The following ZBTB21 variants were observed in gnomAD, a reference collection of about 807,000 sequenced individuals.
ZBTB21 encodes zinc finger and BTB domain-containing protein 21.
ZBTB21 carries 10 observed loss-of-function variants against 39.8 expected under a neutral mutation model. That is an observed-to-expected ratio of 0.25 (90% CI 0.16 to 0.43). ZBTB21 has a LOEUF of 0.43. ZBTB21 is among the 20% of genes least tolerant of loss of function. The pLI is 1.00. For synonymous variants in ZBTB21, 551 were observed against 498.8 expected, an observed-to-expected ratio of 1.10 and a Z score of -1.40; for missense variants, 1,221 against 1,296.3, an observed-to-expected ratio of 0.94 and a Z score of 0.89.
At position 41,990,956 on chromosome 21, in the gene ZBTB21, A is replaced by C. The variant is rs1569100351; in HGVS notation, c.3140T>G (p.Leu1047Arg). The C allele has an allele frequency of 6.6e-7, 1 of 1,515,852 alleles. No individual in the cohort carries two copies. The highest frequency in any genetic ancestry group is 8.8e-7 in the Non-Finnish European group (1 of 1,133,620). The allele number at this position is 1,515,852 out of a possible 1,614,324, so 93.9% of individuals were successfully genotyped here. A position where few individuals can be genotyped will look rare whatever the true frequency, so the allele number is the denominator to read the frequency against. The change falls in exon 3 of 3, where the codon CTT (leucine) becomes CGT (arginine). Residue 1047 changes from leucine to arginine, a missense_variant. Coordinates refer to ENST00000310826, the MANE Select transcript of ZBTB21 (RefSeq NM_001098402.2). Reference sequence around the variant, plus strand: ...TGCAGTCTTGAATGTCCTGTGGCAAAGTTTACACATAAACTGTCTTTTAAA... The same window carrying C: ...TGCAGTCTTGAATGTCCTGTGGCAACGTTTACACATAAACTGTCTTTTAAA... Reference protein sequence around the residue: ...ITFKRQFMCKLCHRTFKTAFS... With the variant: ...ITFKRQFMCKRCHRTFKTAFS...
rs969837730 is a variant in ZBTB21 at position 42,010,284 on chromosome 21, C to T, written c.-111G>A. 7.5e-6 allele frequency: 3 copies of T among 398,486 alleles called. No homozygotes were observed. The highest frequency in any genetic ancestry group is 2.1e-5 in the African/African-American group (1 of 48,642). The allele number at this position is 398,486 out of a possible 1,614,324, so 24.7% of individuals were successfully genotyped here. ...CAGTCTCGAGGCAGACGCCGGGCCC[C>T]TTTCCGCTCACACTCGGCTCGCGCG... On this transcript the variant is annotated 5_prime_UTR_variant, in exon 1 of 3. Transcript: ENST00000310826.
At chr21:41,996,040 G>C (rs2065741947) in intron 2 of ZBTB21, among the ~76,000 whole-genome samples, 1 of 152,232 alleles carries the variant, frequency 6.6e-6, no homozygotes, top group Admixed American at 6.5e-5. Flanking sequence ...CTGCTGCAGG[G>C]CTGTGTCCCC....
At chr21:42,001,150 T>G (rs758371541) in intron 2 of ZBTB21, among the ~76,000 whole-genome samples, 3 of 152,168 alleles carry the variant, frequency 2.0e-5, no homozygotes, top group African/African-American at 7.2e-5. Flanking sequence ...TAGAGATAAG[T>G]AGCAGAGCAG....
intron 1 of ZBTB21, among the ~76,000 whole-genome samples, chr21:42,006,508 A>C (rs1224731546): frequency 1.3e-5 from 2 of 152,006 alleles, no homozygotes; most frequent in African/African-American, 4.8e-5. Context: ...CTCTGTCTCT[A>C]AGACCTAACC....
intron 1 of ZBTB21, chr21:42,008,137 T>G (rs1332852472): frequency 6.6e-6 from 1 of 152,190 alleles, no homozygotes; most frequent in Non-Finnish European, 1.5e-5. Context: ...CCTATCACTG[T>G]GACCTGGTCA....
At chr21:41,998,939 T>C (rs142543456) in intron 2 of ZBTB21, among the ~76,000 whole-genome samples, 2 of 152,220 alleles carry the variant, frequency 1.3e-5, no homozygotes, top group Non-Finnish European at 2.9e-5. Flanking sequence ...TCTATTTTTT[T>C]AAAAAATTAT....
chr21:42,009,046 G>A (rs1474574522), intron 1 of ZBTB21: 2 of 152,128 alleles, frequency 1.3e-5, no homozygotes, highest in Non-Finnish European at 2.9e-5. Context: ...GAGGACTCAG[G>A]GTCATCGTGT....
In ZBTB21 at chr21:41,991,910, G is replaced by A. The variant is rs779678782; in HGVS notation, c.2186C>T (p.Ala729Val). The change falls in exon 3 of 3, where the codon GCT becomes GTT. Residue 729 changes from alanine (A) to valine (V), a missense_variant. Physicochemically the swap from Ala to Val is moderately conservative, Grantham distance 64. Coordinates refer to ENST00000310826, the MANE Select transcript of ZBTB21 (RefSeq NM_001098402.2). The surrounding 1 kb of genome is among the most constrained non-coding windows in gnomAD (Gnocchi z 4.9). ...KEVYQCRLCN[A>V]KLSSLLEQGS... ...TTGCTCTAGGAGAGAAGAGAGCTTA[G>A]CATTACAGAGGCGGCACTGGTAAAC... is the stretch of plus-strand genomic sequence containing the variant. 30 of 1,614,160 alleles carry A rather than the reference G, an allele frequency of 1.9e-5. No individual in the cohort carries two copies. Among genetic ancestry groups the A allele is most frequent in the Non-Finnish European group, 2.4e-5 (28 of 1,180,038 alleles).
In ZBTB21 at chr21:41,994,228, A is replaced by G. The variant is rs151229781; in HGVS notation, c.-13-120T>C. ...ACCAATATTTAGCAGACCGTAGGCTAACAGAAGCTCTATGAATGAACAATC... is the reference window on the plus strand; with the variant it reads ...ACCAATATTTAGCAGACCGTAGGCTGACAGAAGCTCTATGAATGAACAATC... On this transcript the variant is annotated intron_variant, in intron 2 of 2. Coordinates refer to ENST00000310826, the MANE Select transcript of ZBTB21 (RefSeq NM_001098402.2). 7.4e-4 allele frequency: 575 copies of G among 772,586 alleles called. 6 individuals carry two copies. In the African/African-American group the frequency reaches 8.7e-3, roughly 12 times the overall value. The allele number at this position is 772,586 out of a possible 1,614,324, so 47.9% of individuals were successfully genotyped here. A position where few individuals can be genotyped will look rare whatever the true frequency, so the allele number is the denominator to read the frequency against.
At chr21:41,997,374 G>A (rs975590619) in intron 2 of ZBTB21, among the ~76,000 whole-genome samples, 2 of 152,078 alleles carry the variant, frequency 1.3e-5, no homozygotes, top group South Asian at 2.1e-4. Flanking sequence ...TCAGGAGTTC[G>A]AGACAAGCCT....
chr21:41,988,706 CCA>C lies in ZBTB21; in HGVS notation c.*2187_*2188del, dbSNP rs1327989438. On this transcript the variant is annotated 3_prime_UTR_variant, in exon 3 of 3. Transcript: ENST00000310826. ...TAGACAAAAATGTGAAGACAAAACA[CCA>C]GTCATTTTTAAAATCTAACAGATAT... 15 of 151,964 alleles carry C rather than the reference CCA, an allele frequency of 9.9e-5. No homozygotes were observed. The highest frequency in any genetic ancestry group is 9.2e-4 in the Admixed American group (14 of 15,254). 9.4% of individuals were successfully genotyped at this position (151,964 alleles called of 1,614,324 possible).
intron 1 of ZBTB21, among the ~76,000 whole-genome samples, chr21:42,004,145 G>A (rs2065850409): frequency 1.3e-5 from 2 of 151,856 alleles, no homozygotes; most frequent in South Asian, 2.1e-4. Context: ...GACTACAGGC[G>A]CCAGCCACCA....
At chr21:41,996,792 A>G (rs1009519246) in intron 2 of ZBTB21, among the ~76,000 whole-genome samples, 5 of 152,216 alleles carry the variant, frequency 3.3e-5, no homozygotes, top group Non-Finnish European at 5.9e-5. Flanking sequence ...GGAGGCACCC[A>G]GTGGGAAGTA....
chr21:41,993,238 T>C lies in ZBTB21; in HGVS notation c.858A>G (p.Ser286=), dbSNP rs549685741. Residue 286 remains serine, a synonymous_variant, in exon 3 of 3, where the codon TCA becomes TCG. Coordinates refer to ENST00000310826, the MANE Select transcript of ZBTB21 (RefSeq NM_001098402.2). ...TTTCTTTTAATAGATAGGGAGTCTC[T>C]GATGAGCTACAAACAGACAAAACAG... The part of the protein sequence containing the change: ...RPPVLSVCSS[S]ETPYLLKETN... 7.8e-5 allele frequency: 125 copies of C among 1,611,730 alleles called. 2 individuals carry two copies. In the South Asian group the frequency reaches 1.3e-3, roughly 17 times the overall value.
rs1328183215 is a variant in ZBTB21 at position 41,989,382 on chromosome 21, A to G, written c.*1513T>C. 2.0e-5 allele frequency: 3 copies of G among 152,160 alleles called. No homozygotes were observed. Among genetic ancestry groups the G allele is most frequent in the Non-Finnish European group, 4.4e-5 (3 of 67,978 alleles). The allele number at this position is 152,160 out of a possible 1,614,324, so 9.4% of individuals were successfully genotyped here. On this transcript the variant is annotated 3_prime_UTR_variant, in exon 3 of 3. Transcript: ENST00000310826. Reference sequence around the variant, plus strand: ...TCTGCTAGAGCACAAATCTAAAATTATTTCTTAATGACAGTAGTTGGCTTT... The same window carrying G: ...TCTGCTAGAGCACAAATCTAAAATTGTTTCTTAATGACAGTAGTTGGCTTT...
chr21:42,000,280 A>C (rs2065802096), intron 2 of ZBTB21, among the ~76,000 whole-genome samples: 1 of 152,190 alleles, frequency 6.6e-6, no homozygotes, highest in Admixed American at 6.5e-5. Flanking sequence ...CCTGTTCATC[A>C]ATGTACCCTT....
At position 41,992,755 on chromosome 21, in the gene ZBTB21, A is replaced by G. The variant is rs751910702; in HGVS notation, c.1341T>C (p.Thr447=). ...CTGCTGTTGTTGCCGCATCTCCCACAGTGACGCGGATGATGTCCGAGGGGT... is the reference window on the plus strand; with the variant it reads ...CTGCTGTTGTTGCCGCATCTCCCACGGTGACGCGGATGATGTCCGAGGGGT... The part of the protein sequence containing the change: ...LSDPSDIIRV[T]VGDAATTAAA... Residue 447 remains threonine, a synonymous_variant, in exon 3 of 3, where the codon ACT becomes ACC. Coordinates refer to ENST00000310826, the MANE Select transcript of ZBTB21 (RefSeq NM_001098402.2). This position sits in a 1 kb window ranked among gnomAD's most constrained non-coding sequence, Gnocchi z 4.1. 38 of 1,614,004 alleles carry G rather than the reference A, an allele frequency of 2.4e-5. No individual in the cohort carries two copies. The highest frequency in any genetic ancestry group is 3.1e-5 in the Non-Finnish European group (37 of 1,180,046).
intron 2 of ZBTB21, among the ~76,000 whole-genome samples, chr21:41,996,944 C>A (rs912155222): frequency 1.3e-5 from 2 of 152,220 alleles, no homozygotes; most frequent in African/African-American, 4.8e-5. Flanking sequence ...CCCTGCACTC[C>A]TTGCCTTCTG....
chr21:42,000,548 G>A (rs1165663630), intron 2 of ZBTB21, among the ~76,000 whole-genome samples: 1 of 152,144 alleles, frequency 6.6e-6, no homozygotes, highest in Non-Finnish European at 1.5e-5. Context: ...TGGACCTGAA[G>A]CAAATGGTAT....
Sources: gnomAD v4.1 joint callset for allele counts (sites outside exome capture counted in the v4.1 genomes callset) on GRCh38, gnomAD v4.1.1 for gene constraint, Gnocchi (gnomAD v3.1) non-coding constraint, MANE v1.5 for transcripts, NCBI Gene and HGNC (gene_info 2026-07-23, HGNC 2026-07-21) for gene names.